The following DOCK4 variants were observed in gnomAD, a reference collection of about 807,000 sequenced individuals.
DOCK4 encodes dedicator of cytokinesis protein 4.
A neutral mutation model predicts 268.1 loss-of-function variants in DOCK4; 97 were observed. That is an observed-to-expected ratio of 0.36 (90% CI 0.31 to 0.43). DOCK4 has a LOEUF of 0.43. Ranked by LOEUF, DOCK4 falls within the 20% of genes least tolerant of loss-of-function variation. DOCK4 has a pLI of 1.00. For missense variants in DOCK4, 2,145 were observed against 2,455.7 expected (o/e 0.87, Z 2.67); for synonymous variants, 954 against 887.2 (o/e 1.08, Z -1.34).
chr7:111,784,018 T>C (rs1272617953), intron 33 of DOCK4, 66 bp from the exon 34 acceptor site: 2 of 1,570,504 alleles, frequency 1.3e-6, no homozygotes, highest in Admixed American at 1.9e-5. Context: ...ACAACCACTT[T>C]ACTTTCATCA....
chr7:111,865,449 A>T (rs1214456419), intron 22 of DOCK4, among the ~76,000 whole-genome samples: 1 of 152,226 alleles, frequency 6.6e-6, no homozygotes, highest in Non-Finnish European at 1.5e-5. Context: ...CATGGAAAAA[A>T]TGCAAAATGG....
At chr7:111,746,500 T>C in intron 43 of DOCK4, 83 bp from the exon 44 acceptor site, 1 of 1,082,916 alleles carries the variant, frequency 9.2e-7, no homozygotes, top group Non-Finnish European at 1.4e-6. Context: ...ACCTGGCATC[T>C]TTATGGAAAT....
At chr7:112,010,464 A>G (rs1288633848) in intron 1 of DOCK4, among the ~76,000 whole-genome samples, 1 of 152,240 alleles carries the variant, frequency 6.6e-6, no homozygotes, top group African/African-American at 2.4e-5. Context: ...GGGAACTCCC[A>G]GGTGGCTATG....
intron 16 of DOCK4, among the ~76,000 whole-genome samples, chr7:111,887,475 G>A (rs1738654195): frequency 6.6e-6 from 1 of 152,172 alleles, no homozygotes; most frequent in South Asian, 2.1e-4. Context: ...TCCTCAAAGA[G>A]GAGGAAGGAT....
chr7:111,922,552 A>G (rs1479875064), intron 12 of DOCK4, among the ~76,000 whole-genome samples: 3 of 152,108 alleles, frequency 2.0e-5, no homozygotes, highest in African/African-American at 7.2e-5. Flanking sequence ...CTCTTCGTAC[A>G]CACTTGCTTC....
chr7:112,150,833 C>T (rs917494601), intron 1 of DOCK4, among the ~76,000 whole-genome samples: 2 of 152,184 alleles, frequency 1.3e-5, no homozygotes, highest in African/African-American at 4.8e-5. Flanking sequence ...CCATTTCCTA[C>T]CCACATTCTT....
intron 1 of DOCK4, among the ~76,000 whole-genome samples, chr7:112,184,937 T>C (rs1326804098): frequency 6.6e-6 from 1 of 152,216 alleles, no homozygotes; most frequent in East Asian, 1.9e-4. Flanking sequence ...ATAGTTTACA[T>C]GGCTTCACAA....
intron 10 of DOCK4, among the ~76,000 whole-genome samples, chr7:111,941,179 T>C (rs1443498164): frequency 6.6e-6 from 1 of 152,226 alleles, no homozygotes; most frequent in African/African-American, 2.4e-5. Context: ...TTTTATCAGT[T>C]AGAATCAAAC....
intron 12 of DOCK4, among the ~76,000 whole-genome samples, chr7:111,933,005 AG>A (rs1794322257): frequency 2.0e-5 from 3 of 151,508 alleles, no homozygotes; most frequent in South Asian, 4.2e-4. Context: ...TATCTTACTG[AG>A]GGGGTATTGA....
chr7:112,098,662 T>C (rs1810378325), intron 1 of DOCK4, among the ~76,000 whole-genome samples: 1 of 149,652 alleles, frequency 6.7e-6, no homozygotes, highest in African/African-American at 2.4e-5. Context: ...AAATTATGTG[T>C]AATTTTATGT....
intron 25 of DOCK4, among the ~76,000 whole-genome samples, chr7:111,837,633 AAAT>A (rs1803331223): frequency 6.6e-6 from 1 of 152,226 alleles, no homozygotes; most frequent in African/African-American, 2.4e-5. Flanking sequence ...TTGAAATTTA[AAAT>A]AATATCATTA....
intron 1 of DOCK4, among the ~76,000 whole-genome samples, chr7:112,130,346 C>T (rs1269224507): frequency 6.6e-6 from 1 of 152,126 alleles, no homozygotes; most frequent in Admixed American, 6.5e-5. Context: ...AGATAGACAC[C>T]CACTATGCTC....
intron 1 of DOCK4, among the ~76,000 whole-genome samples, chr7:112,101,815 A>G (rs259312): frequency 0.32 from 48,217 of 151,038 alleles, 8,245 homozygotes; most frequent in Non-Finnish European, 0.38. Context: ...TTTAAATGCT[A>G]AGGTTCTGAG....
intron 1 of DOCK4, among the ~76,000 whole-genome samples, chr7:112,047,614 G>A (rs1467793547): frequency 1.3e-5 from 2 of 152,142 alleles, no homozygotes; most frequent in East Asian, 3.9e-4. Context: ...AGACACTGAA[G>A]AACAAAAGAT....
intron 1 of DOCK4, among the ~76,000 whole-genome samples, chr7:112,119,583 G>A (rs986739907): frequency 1.3e-5 from 2 of 152,078 alleles, no homozygotes; most frequent in African/African-American, 4.8e-5. Context: ...TGCCCTAAAC[G>A]AACATTGGAG....
chr7:111,846,622 G>A (rs1452275821), intron 24 of DOCK4, among the ~76,000 whole-genome samples: 1 of 152,124 alleles, frequency 6.6e-6, no homozygotes, highest in African/African-American at 2.4e-5. Flanking sequence ...CAAGTTCTGA[G>A]TATCATGAAG....
At chr7:112,064,345 G>A (rs971257810) in intron 1 of DOCK4, among the ~76,000 whole-genome samples, 3 of 152,154 alleles carry the variant, frequency 2.0e-5, no homozygotes, top group Admixed American at 6.6e-5. Context: ...AGCCACCTAG[G>A]ATGGGTTCTA....
intron 10 of DOCK4, among the ~76,000 whole-genome samples, chr7:111,943,120 T>G (rs1795337884): frequency 1.3e-5 from 2 of 152,242 alleles, no homozygotes. Context: ...AACTGGTAAA[T>G]GTTTTTTGCA....
chr7:112,102,558 T>C (rs1372173300), intron 1 of DOCK4, among the ~76,000 whole-genome samples: 2 of 152,164 alleles, frequency 1.3e-5, no homozygotes, highest in Non-Finnish European at 2.9e-5. Context: ...AGGAATGAGA[T>C]GAATGCTCTT....
Sources: allele counts gnomAD v4.1 joint callset (sites outside exome capture counted in the v4.1 genomes callset), GRCh38; gene constraint gnomAD v4.1.1; transcripts MANE v1.5; gene names NCBI Gene and HGNC (gene_info 2026-07-23, HGNC 2026-07-21).